CSMD3: variants seen among roughly 807,000 people sequenced by gnomAD.
CSMD3 encodes the protein CUB and Sushi multiple domains 3.
Under a neutral mutation model 435.2 loss-of-function variants are expected in CSMD3, and 177 were observed. The observed-to-expected ratio is 0.41, with a 90% CI of 0.36 to 0.46. The LOEUF is 0.46. Ranked by LOEUF, CSMD3 falls within the 20% of genes least tolerant of loss-of-function variation. The pLI is 0.34. For missense variants in CSMD3, 4,265 were observed against 4,504.6 expected (o/e 0.95, Z 1.52); for synonymous variants, 1,656 against 1,520.5 (o/e 1.09, Z -2.07).
chr8:112,659,149 A>G (rs2075321415), intron 17 of CSMD3, among the ~76,000 whole-genome samples: 1 of 152,154 alleles, frequency 6.6e-6, no homozygotes, highest in African/African-American at 2.4e-5. Flanking sequence ...AGCAACATTA[A>G]CTGGTGATAT....
At chr8:112,494,511 CTTTCTTTCTT>C (rs1474619811) in intron 30 of CSMD3, among the ~76,000 whole-genome samples, 2 of 73,064 alleles carry the variant, frequency 2.7e-5, no homozygotes, top group African/African-American at 9.1e-5. Flanking sequence ...TTCTTTCTTT[CTTTCTTTCTT>C]TCTTTCTTTC....
At chr8:112,337,410 T>A (rs986449851) in intron 43 of CSMD3, 133 bp downstream of exon 43, 1 of 745,890 alleles carries the variant, frequency 1.3e-6, no homozygotes, top group African/African-American at 1.7e-5. Context: ...GCCTTAGGGG[T>A]TTAAAAAATA....
At chr8:112,757,165 G>A (rs1029177185) in intron 13 of CSMD3, among the ~76,000 whole-genome samples, 2 of 151,934 alleles carry the variant, frequency 1.3e-5, no homozygotes, top group East Asian at 1.9e-4. Flanking sequence ...AAAGAATTTG[G>A]CAACATTTTA....
intron 5 of CSMD3, among the ~76,000 whole-genome samples, chr8:113,097,307 G>T (rs1564311142): frequency 6.6e-6 from 1 of 151,970 alleles, no homozygotes; most frequent in African/African-American, 2.4e-5. Context: ...ACAAATACTT[G>T]TTGAGGTGCC....
intron 1 of CSMD3, among the ~76,000 whole-genome samples, chr8:113,364,704 A>T (rs1332534818): frequency 6.6e-6 from 1 of 152,090 alleles, no homozygotes; most frequent in Non-Finnish European, 1.5e-5. Flanking sequence ...AAAATTTACC[A>T]TGTCATGGAA....
intron 22 of CSMD3, among the ~76,000 whole-genome samples, chr8:112,589,604 C>A (rs72676674): frequency 5.8e-4 from 88 of 152,198 alleles, no homozygotes; most frequent in Non-Finnish European, 1.1e-3. Context: ...ATGATTAGCA[C>A]AGCAAGTTTT....
intron 10 of CSMD3, among the ~76,000 whole-genome samples, chr8:112,888,519 G>A (rs1170097382): frequency 1.3e-5 from 2 of 151,590 alleles, no homozygotes; most frequent in Non-Finnish European, 3.0e-5. Context: ...AAACAAGCCC[G>A]GAATGTAGGA....
chr8:112,487,132 C>T (rs1428541774), intron 31 of CSMD3, among the ~76,000 whole-genome samples: 2 of 152,128 alleles, frequency 1.3e-5, no homozygotes, highest in African/African-American at 2.4e-5. Flanking sequence ...TAATGATTTA[C>T]ATTTGAAAGT....
At chr8:112,601,344 G>A (rs988765147) in intron 22 of CSMD3, among the ~76,000 whole-genome samples, 20 of 152,038 alleles carry the variant, frequency 1.3e-4, no homozygotes, top group Non-Finnish European at 2.2e-4. Flanking sequence ...GGTGGAATAA[G>A]GTGCCCAAGA....
chr8:113,416,442 A>T (rs939332851), intron 1 of CSMD3, among the ~76,000 whole-genome samples: 1 of 152,160 alleles, frequency 6.6e-6, no homozygotes, highest in African/African-American at 2.4e-5. Flanking sequence ...GGCATTGGAA[A>T]TTATTGCCTC....
chr8:112,984,144 T>C (rs1564178041), intron 6 of CSMD3, among the ~76,000 whole-genome samples: 1 of 152,038 alleles, frequency 6.6e-6, no homozygotes, highest in East Asian at 1.9e-4. Context: ...AGCAAATATA[T>C]TATATATGAA....
intron 59 of CSMD3, among the ~76,000 whole-genome samples, chr8:112,268,181 C>A (rs892311842): frequency 6.6e-6 from 1 of 152,046 alleles, no homozygotes; most frequent in African/African-American, 2.4e-5. Flanking sequence ...TAGTGTATGA[C>A]TCATCATAAG....
intron 22 of CSMD3, among the ~76,000 whole-genome samples, chr8:112,619,904 A>C (rs1833939131): frequency 6.6e-6 from 1 of 151,942 alleles, no homozygotes; most frequent in South Asian, 2.1e-4. Flanking sequence ...ATGAGATCTA[A>C]AATGATGTTA....
At chr8:112,438,501 T>C (rs1371106103) in intron 32 of CSMD3, among the ~76,000 whole-genome samples, 4 of 152,214 alleles carry the variant, frequency 2.6e-5, no homozygotes, top group South Asian at 2.1e-4. Context: ...GCATCTCTTT[T>C]AACAAAATTT....
At chr8:113,393,009 GT>G (rs1208831910) in intron 1 of CSMD3, among the ~76,000 whole-genome samples, 9 of 150,806 alleles carry the variant, frequency 6.0e-5, no homozygotes, top group South Asian at 4.2e-4. Flanking sequence ...ATACACATGT[GT>G]TTTTTTACAT....
At chr8:113,174,357 T>C (rs1002830031) in intron 3 of CSMD3, among the ~76,000 whole-genome samples, 1 of 152,094 alleles carries the variant, frequency 6.6e-6, no homozygotes, top group East Asian at 1.9e-4. Flanking sequence ...CATGGAAACC[T>C]TTATTTCATT....
intron 35 of CSMD3, 95 bp downstream of exon 35, chr8:112,406,429 T>G (rs1477260728): frequency 3.0e-6 from 2 of 668,266 alleles, no homozygotes; most frequent in Non-Finnish European, 5.0e-6. Context: ...ATTAAGTACA[T>G]AATTATTAGA....
chr8:112,660,756 G>A (rs1178908995), intron 17 of CSMD3, among the ~76,000 whole-genome samples: 2 of 152,152 alleles, frequency 1.3e-5, no homozygotes, highest in Non-Finnish European at 2.9e-5. Flanking sequence ...AATGTGCTCT[G>A]TTTATTCTAA....
chr8:112,569,117 A>ATCCTGG (rs1242530329), intron 24 of CSMD3, among the ~76,000 whole-genome samples: 2 of 152,298 alleles, frequency 1.3e-5, no homozygotes, highest in Non-Finnish European at 2.9e-5. Context: ...TTCCCAGGAA[A>ATCCTGG]GATTTTGTAT....
Sources: allele counts gnomAD v4.1 joint callset (sites outside exome capture counted in the v4.1 genomes callset), GRCh38; gene constraint gnomAD v4.1.1; transcripts MANE v1.5; gene names NCBI Gene and HGNC (gene_info 2026-07-23, HGNC 2026-07-21).